Variants in PCSK6 observed in about 807,000 individuals in gnomAD.
The protein encoded by PCSK6 is paired basic amino acid cleaving enzyme 4.
Under a neutral mutation model 123.3 loss-of-function variants are expected in PCSK6, and 85 were observed. That is an observed-to-expected ratio of 0.69 (90% CI 0.58 to 0.83). PCSK6 has a LOEUF of 0.83. Ranked by LOEUF, PCSK6 falls within the 40% of genes least tolerant of loss-of-function variation. PCSK6 has a pLI of 0.00. For missense variants in PCSK6, 1,191 were observed against 1,282.3 expected, an observed-to-expected ratio of 0.93 and a Z score of 1.09; for synonymous variants, 508 against 516.0, an observed-to-expected ratio of 0.98 and a Z score of 0.21.
At chr15:101,350,555 GA>G (rs778145141) in intron 13 of PCSK6, among the ~76,000 whole-genome samples, 1 of 152,190 alleles carries the variant, frequency 6.6e-6, no homozygotes, top group Non-Finnish European at 1.5e-5. Flanking sequence ...GATTTAGTCA[GA>G]AAAATAGTTT....
At chr15:101,404,611 C>G (rs1462048157) in intron 6 of PCSK6, among the ~76,000 whole-genome samples, 3 of 152,200 alleles carry the variant, frequency 2.0e-5, no homozygotes, top group African/African-American at 7.2e-5. Flanking sequence ...GGGGTGTAAT[C>G]TCGCTTCCAC....
At chr15:101,331,813 G>A (rs117271366) in intron 14 of PCSK6, 39 bp downstream of exon 14, 24,823 of 1,608,810 alleles carry the variant, frequency 0.015, 231 homozygotes, top group Non-Finnish European at 0.018. Context: ...ATCAAAGCTC[G>A]TGGAAGCTGG....
chr15:101,306,895 C>T (rs772284944), intron 21 of PCSK6, among the ~76,000 whole-genome samples: 22 of 152,162 alleles, frequency 1.4e-4, no homozygotes, highest in Non-Finnish European at 2.8e-4. Context: ...TCGTCACATC[C>T]GGGCCACCGG....
rs2039705721 is a variant in PCSK6, at chr15:101,305,622, C to T, written c.2813-267G>A. On this transcript the variant is annotated intron_variant, in intron 21 of 21. Coordinates refer to ENST00000611716, the MANE Select transcript of PCSK6 (RefSeq NM_002570.5). The surrounding 1 kb of genome is among the most constrained non-coding windows in gnomAD (Gnocchi z 4.8). ...ACTCGGGAGGCTAAAGCAGGAGAAC[C>T]ACCTGAACCCAGGAGGCAGAGGTTG... 5.4e-6 allele frequency: 2 copies of T among 369,418 alleles called. No homozygotes were observed. The highest frequency in any genetic ancestry group is 3.2e-5 in the South Asian group (1 of 31,116). The allele number at this position is 369,418 out of a possible 1,614,324, so 22.9% of individuals were successfully genotyped here.
At chr15:101,308,967 A>C (rs1443598913) in intron 20 of PCSK6, 1 of 152,334 alleles carries the variant, frequency 6.6e-6, no homozygotes, top group Non-Finnish European at 1.5e-5. Context: ...ATCAGTGAAG[A>C]ACTGTGGTGA....
At chr15:101,393,785 G>C (rs2042311144) in intron 7 of PCSK6, among the ~76,000 whole-genome samples, 1 of 152,232 alleles carries the variant, frequency 6.6e-6, no homozygotes. Context: ...AGAGCTAGCA[G>C]TGCTGCAAAT....
At chr15:101,359,278 A>C (rs941266947) in intron 13 of PCSK6, among the ~76,000 whole-genome samples, 3 of 152,158 alleles carry the variant, frequency 2.0e-5, no homozygotes, top group Admixed American at 6.5e-5. Context: ...TCAGAGCTGG[A>C]AGGTACCACA....
intron 1 of PCSK6, among the ~76,000 whole-genome samples, chr15:101,463,644 G>C (rs933965942): frequency 7.9e-5 from 12 of 152,200 alleles, no homozygotes; most frequent in African/African-American, 2.9e-4. Flanking sequence ...GGAGCACTGG[G>C]ATAGTTGCCT....
chr15:101,471,892 C>G (rs918569004), intron 1 of PCSK6, among the ~76,000 whole-genome samples: 1 of 152,140 alleles, frequency 6.6e-6, no homozygotes, highest in Non-Finnish European at 1.5e-5. Flanking sequence ...CTTGGCCTGT[C>G]TATGAGACAC....
intron 6 of PCSK6, among the ~76,000 whole-genome samples, chr15:101,410,517 C>T (rs756263466): frequency 2.0e-5 from 3 of 152,234 alleles, no homozygotes; most frequent in Non-Finnish European, 4.4e-5. Flanking sequence ...TGCCCTCTCT[C>T]GCTCCCTCCT....
At chr15:101,478,448 A>G (rs916021351) in intron 1 of PCSK6, among the ~76,000 whole-genome samples, 14 of 152,168 alleles carry the variant, frequency 9.2e-5, no homozygotes, top group African/African-American at 3.4e-4. Context: ...CTTCCACAGG[A>G]CAGGCTCCAC....
intron 1 of PCSK6, among the ~76,000 whole-genome samples, chr15:101,465,526 G>A (rs1277847058): frequency 6.6e-6 from 1 of 152,178 alleles, no homozygotes; most frequent in East Asian, 1.9e-4. Flanking sequence ...CTGGCGGGAT[G>A]AGGGCTATTA....
intron 6 of PCSK6, among the ~76,000 whole-genome samples, chr15:101,416,006 T>C (rs1218579345): frequency 6.6e-6 from 1 of 152,186 alleles, no homozygotes; most frequent in Non-Finnish European, 1.5e-5. Context: ...AGAGTGGGCA[T>C]TGCTGAAAAG....
intron 13 of PCSK6, among the ~76,000 whole-genome samples, chr15:101,337,656 C>T (rs150760648): frequency 1.3e-4 from 20 of 152,250 alleles, no homozygotes; most frequent in African/African-American, 4.1e-4. Flanking sequence ...TCGCATTCGA[C>T]GTTATTTATT....
rs536226212 is a variant in PCSK6 at position 101,405,916 on chromosome 15, T to C, written c.824-7340A>G. 2.6e-5 allele frequency among the ~76,000 whole-genome samples: 4 copies of C among 152,284 alleles called. No individual in the cohort carries two copies. In the East Asian group the frequency reaches 7.7e-4, roughly 29 times the overall value. ...CACCACCACGCCTGGCTAATTTTTA[T>C]ATTTTTAGTAGAGATGGGGCTTCGC... On this transcript the variant is annotated intron_variant, in intron 6 of 21. Transcript: ENST00000611716.
At chr15:101,357,745 C>A (rs976072238) in intron 13 of PCSK6, among the ~76,000 whole-genome samples, 1 of 152,200 alleles carries the variant, frequency 6.6e-6, no homozygotes, top group Non-Finnish European at 1.5e-5. Context: ...CACAGCATAA[C>A]CAGTGCCTTG....
chr15:101,479,767 T>A (rs886734327), intron 1 of PCSK6, among the ~76,000 whole-genome samples: 1 of 152,046 alleles, frequency 6.6e-6, no homozygotes, highest in Non-Finnish European at 1.5e-5. Context: ...AGGCAGCCCC[T>A]CCCTTCCCCT....
At chr15:101,351,810 C>G (rs983815268) in intron 13 of PCSK6, among the ~76,000 whole-genome samples, 1 of 152,102 alleles carries the variant, frequency 6.6e-6, no homozygotes, top group African/African-American at 2.4e-5. Context: ...AATAAACAGC[C>G]CTCTTAACTA....
At chr15:101,351,810 C>T (rs983815268) in intron 13 of PCSK6, among the ~76,000 whole-genome samples, 5 of 152,102 alleles carry the variant, frequency 3.3e-5, no homozygotes, top group Admixed American at 2.6e-4. Flanking sequence ...AATAAACAGC[C>T]CTCTTAACTA....
Sources: allele counts gnomAD v4.1 joint callset (sites outside exome capture counted in the v4.1 genomes callset), GRCh38; gene constraint gnomAD v4.1.1; non-coding constraint Gnocchi (gnomAD v3.1); transcripts MANE v1.5; gene names NCBI Gene and HGNC (gene_info 2026-07-23, HGNC 2026-07-21).